The following FAM161B variants were observed in gnomAD, a reference collection of about 807,000 sequenced individuals.
FAM161B encodes FAM161 centrosomal protein B, also known as protein FAM161B.
A neutral mutation model predicts 61.5 loss-of-function variants in FAM161B; 46 were observed. The ratio of observed to expected loss-of-function variants is 0.75; its 90% CI spans 0.59 to 0.96. The LOEUF (loss-of-function observed/expected upper bound fraction) is 0.96, where lower values mean the gene tolerates loss of function less well. Ranked by LOEUF, FAM161B falls within the 40% of genes least tolerant of loss-of-function variation. The probability of loss-of-function intolerance (pLI) is 0.00; values close to 1 mark genes in which losing one functional copy is unlikely to be tolerated. For synonymous variants in FAM161B, 284 were observed against 302.7 expected, an observed-to-expected ratio of 0.94 and a Z score of 0.64; for missense variants, 774 against 800.7, an observed-to-expected ratio of 0.97 and a Z score of 0.40.
chr14:73,928,734 A>C (rs2055869496), downstream of FAM161B, among the ~76,000 whole-genome samples: 1 of 152,192 alleles, frequency 6.6e-6, no homozygotes, highest in South Asian at 2.1e-4. Flanking sequence ...ACTTGAGGCC[A>C]GAAGTTCGAG....
rs142114210 is a variant in FAM161B, at chr14:73,940,367, C to A, written c.1400+559G>T. Among the ~76,000 whole-genome samples the A allele has an allele frequency of 1.2e-3, 187 of 152,308 alleles. 2 individuals carry two copies. The highest frequency in any genetic ancestry group is 4.1e-3 in the African/African-American group (172 of 41,578). On this transcript the variant is annotated intron_variant, in intron 5 of 8. Coordinates refer to ENST00000286544, the MANE Select transcript of FAM161B (RefSeq NM_152445.3). ...TGCAATGGATGTCTCATATTTGCGGCAACTTCAGCCACCTGCTAGCATGCT... is the reference window on the plus strand; with the variant it reads ...TGCAATGGATGTCTCATATTTGCGGAAACTTCAGCCACCTGCTAGCATGCT...
In FAM161B at chr14:73,946,347, C is replaced by A. The variant is rs1433157097; in HGVS notation, c.313G>T (p.Glu105Ter). 6.2e-7 allele frequency: 1 copy of A among 1,614,048 alleles called. No homozygotes were observed. The highest frequency in any genetic ancestry group is 8.5e-7 in the Non-Finnish European group (1 of 1,180,030). ...CTGTCCTTGTCTTGGAAGAAACTCT[C>A]CAGGTCCTCCTCATCTTCAGAGAGG... ...ENLSEDEEDL[E>*]SFFQDKDRGM... The change falls in exon 2 of 9, where the codon GAG (glutamate) becomes TAG (stop). Residue 105 changes from glutamate to a stop codon, truncating the protein, a stop_gained. Coordinates refer to ENST00000286544, the MANE Select transcript of FAM161B (RefSeq NM_152445.3). LOFTEE classifies it high-confidence loss of function.
chr14:73,942,419 G>A lies in FAM161B; in HGVS notation c.1222C>T (p.Leu408=), dbSNP rs1306069310. The A allele has an allele frequency of 2.5e-6, 4 of 1,614,086 alleles. No homozygotes were observed. ...TCACAGGGCCGCTGAGGGTGGCGCA[G>A]GTTGGCGGTCCTCAGCAAGAAGGGC... is the stretch of plus-strand genomic sequence containing the variant. The part of the protein sequence containing the change: ...NKPFLLRTAN[L]RHPQRPCDAA... Residue 408 remains leucine (L), a synonymous_variant, in exon 4 of 9, where the codon CTG becomes TTG. Transcript: ENST00000286544.
downstream of FAM161B, among the ~76,000 whole-genome samples, chr14:73,929,087 G>A (rs998831342): frequency 6.6e-6 from 1 of 152,198 alleles, no homozygotes; most frequent in African/African-American, 2.4e-5. Flanking sequence ...ATCCTGCACT[G>A]TCACTTTTTC....
chr14:73,934,164 C>G lies in FAM161B; in HGVS notation c.*92G>C. 1 of 1,464,812 alleles carries G rather than the reference C, an allele frequency of 6.8e-7. No individual in the cohort carries two copies. Among genetic ancestry groups the G allele is most frequent in the Non-Finnish European group, 9.3e-7 (1 of 1,077,514 alleles). The allele number at this position is 1,464,812 out of a possible 1,614,324, so 90.7% of individuals were successfully genotyped here. A position where few individuals can be genotyped will look rare whatever the true frequency, so the allele number is the denominator to read the frequency against. On this transcript the variant is annotated 3_prime_UTR_variant, in exon 9 of 9. Coordinates refer to ENST00000286544, the MANE Select transcript of FAM161B (RefSeq NM_152445.3). ...TCATTTGTCCATCCTCTAACAGTAG[C>G]CATGACTCAAAACCCAAGTTTTCCC...
downstream of FAM161B, among the ~76,000 whole-genome samples, chr14:73,929,861 A>T (rs2055886055): frequency 6.6e-6 from 1 of 152,012 alleles, no homozygotes; most frequent in Non-Finnish European, 1.5e-5. Flanking sequence ...ATCAGAAACT[A>T]CAAGTCACCT....
chr14:73,932,116 C>T, downstream of FAM161B: 1 of 437,526 alleles, frequency 2.3e-6, no homozygotes, highest in Non-Finnish European at 4.6e-6. Flanking sequence ...GGCTGAGGTA[C>T]TATCTTGTCC....
At chr14:73,947,450 G>A (rs187771836) in intron 1 of FAM161B, among the ~76,000 whole-genome samples, 42 of 151,022 alleles carry the variant, frequency 2.8e-4, no homozygotes, top group African/African-American at 1.0e-3. Flanking sequence ...GGCTGGAAGA[G>A]CAATGTCTTA....
chr14:73,938,778 T>A lies in FAM161B; in HGVS notation c.1401-666A>T, dbSNP rs2140344052. 1.3e-5 allele frequency among the ~76,000 whole-genome samples: 2 copies of A among 151,956 alleles called. 1 individual carries two copies. The highest frequency in any genetic ancestry group is 6.8e-3 in the Middle Eastern group (2 of 294). On this transcript the variant is annotated intron_variant, in intron 5 of 8. Coordinates refer to ENST00000286544, the MANE Select transcript of FAM161B (RefSeq NM_152445.3). The stretch of plus-strand genomic sequence containing the variant: ...CAGTGAGAGACTCCGTCTCAAAAAA[T>A]AATAATAAATAAATAAATAAAATAA...
chr14:73,926,503 G>A (rs191924523), downstream of FAM161B, among the ~76,000 whole-genome samples: 167 of 151,892 alleles, frequency 1.1e-3, no homozygotes, highest in African/African-American at 4.0e-3. Context: ...GCGTGATCTC[G>A]GCTCACTGCA....
At chr14:73,925,146 TTG>T in the FAM161B span, among the ~76,000 whole-genome samples, 3 of 151,510 alleles carry the variant, frequency 2.0e-5, no homozygotes, top group African/African-American at 7.3e-5. Context: ...TTTCTTTTTA[TTG>T]TTGTGACCCA....
chr14:73,928,496 G>A (rs1423937678), downstream of FAM161B, among the ~76,000 whole-genome samples: 1 of 152,182 alleles, frequency 6.6e-6, no homozygotes, highest in Non-Finnish European at 1.5e-5. Flanking sequence ...AGTAGGGTAT[G>A]ACGTGATCAG....
chr14:73,926,276 C>T, the FAM161B span, among the ~76,000 whole-genome samples: 1 of 152,012 alleles, frequency 6.6e-6, no homozygotes, highest in Non-Finnish European at 1.5e-5. Flanking sequence ...TTTTTTTCCT[C>T]CCCCTCAAAA....
intron 7 of FAM161B, among the ~76,000 whole-genome samples, chr14:73,936,712 T>G (rs2055973441): frequency 6.6e-6 from 1 of 152,208 alleles, no homozygotes; most frequent in Non-Finnish European, 1.5e-5. Flanking sequence ...GGTTGCTAAG[T>G]AAATCCAAGA....
downstream of FAM161B, among the ~76,000 whole-genome samples, chr14:73,926,769 A>G (rs918888152): frequency 2.6e-5 from 4 of 151,996 alleles, no homozygotes; most frequent in Non-Finnish European, 5.9e-5. Context: ...AGATTTTCCC[A>G]CATTCTGGTT....
Position 73,935,991 on chromosome 14 carries a change from C to G in FAM161B, c.1763G>C (p.Arg588Pro), listed in dbSNP as rs142291335. ...TTTGGTCTCTTTCTCTTGAACAGCC[C>G]GGGTGCCTTGACCCTTGTTTCTCAC... ...DFVRNKGQGT[R>P]AVQEKETKIK... Residue 588 changes from arginine to proline, a missense_variant, in exon 8 of 9, where the codon CGG (arginine) becomes CCG (proline). Transcript: ENST00000286544. 1 of 1,613,488 alleles carries G rather than the reference C, an allele frequency of 6.2e-7. No homozygotes were observed.
In FAM161B at chr14:73,935,945, T is replaced by C. The variant is rs758688152; in HGVS notation, c.1805+4A>G. On this transcript the variant is annotated splice_donor_region_variant and intron_variant, in intron 8 of 8. Transcript: ENST00000286544. The stretch of plus-strand genomic sequence containing the variant: ...TGCAGAATGACAGCAACATTTCAGG[T>C]TACCTGGGAAAATCCTTGATTTTGG... 1 of 1,606,762 alleles carries C rather than the reference T, an allele frequency of 6.2e-7. No individual in the cohort carries two copies. The highest frequency in any genetic ancestry group is 8.5e-7 in the Non-Finnish European group (1 of 1,175,050).
At chr14:73,938,460 A>AAAT (rs1041670252) in intron 5 of FAM161B, among the ~76,000 whole-genome samples, 1 of 151,398 alleles carries the variant, frequency 6.6e-6, no homozygotes, top group South Asian at 2.1e-4. Flanking sequence ...TCCGTCTCAA[A>AAAT]AATAATAATA....
rs1404301887 is a variant in FAM161B, at chr14:73,944,680, A to C, written c.580T>G (p.Ser194Ala). 6.2e-7 allele frequency: 1 copy of C among 1,610,410 alleles called. No homozygotes were observed. Among genetic ancestry groups the C allele is most frequent in the East Asian group, 2.2e-5 (1 of 44,706 alleles). ...KKAEWLGSPA[S>A]FEQERQRAQR... The stretch of plus-strand genomic sequence containing the variant: ...GCCCGCTGCCTCTCCTGCTCAAAGG[A>C]GGCAGGTGAGCCCAGCCACTCGGCC... Residue 194 changes from serine to alanine, a missense_variant, in exon 3 of 9, where the codon TCC becomes GCC. Physicochemically the swap from Ser to Ala is moderately conservative, Grantham distance 99 (BLOSUM62 1). Transcript: ENST00000286544.
Sources: allele counts gnomAD v4.1 joint callset (sites outside exome capture counted in the v4.1 genomes callset), GRCh38; gene constraint gnomAD v4.1.1; transcripts MANE v1.5; gene names NCBI Gene and HGNC (gene_info 2026-07-23, HGNC 2026-07-21).